MSI2: variants seen among roughly 807,000 people sequenced by gnomAD.
MSI2 encodes the protein RNA-binding protein Musashi homolog 2.
Under a neutral mutation model 45.6 loss-of-function variants are expected in MSI2, and 17 were observed. The ratio of observed to expected loss-of-function variants is 0.37; its 90% CI spans 0.26 to 0.56. The LOEUF (loss-of-function observed/expected upper bound fraction) is 0.56. Ranked by LOEUF, MSI2 falls within the 20% of genes least tolerant of loss-of-function variation. The pLI, the probability that MSI2 is intolerant of heterozygous loss-of-function variation, is 0.77. For synonymous variants in MSI2, 156 were observed against 158.2 expected, an observed-to-expected ratio of 0.99 and a Z score of 0.11; for missense variants, 293 against 444.2, an observed-to-expected ratio of 0.66 and a Z score of 3.06.
the MSI2 span, among the ~76,000 whole-genome samples, chr17:57,695,386 G>A: frequency 6.6e-6 from 1 of 152,172 alleles, no homozygotes; most frequent in South Asian, 2.1e-4. Context: ...GCTGAGAGGT[G>A]TAATGGCACT....
At chr17:57,389,299 C>T (rs2083744207) in intron 5 of MSI2, among the ~76,000 whole-genome samples, 1 of 152,188 alleles carries the variant, frequency 6.6e-6, no homozygotes, top group African/African-American at 2.4e-5. Flanking sequence ...TTTTTAATAG[C>T]TGGATTGAAA....
intron 5 of MSI2, chr17:57,279,503 A>G (rs1598062781): frequency 6.6e-6 from 1 of 152,266 alleles, no homozygotes; most frequent in Non-Finnish European, 1.5e-5. Flanking sequence ...TCATTATGCA[A>G]CAAATGTCTG....
chr17:57,510,584 C>T lies in MSI2; in HGVS notation c.406-19092C>T, dbSNP rs564302190. Among the ~76,000 whole-genome samples the T allele has an allele frequency of 2.4e-4, 36 of 152,014 alleles. 2 individuals are homozygous for T. Among genetic ancestry groups the T allele is most frequent in the African/African-American group, 8.0e-4 (33 of 41,346 alleles). ...CTGGGATTACAGGTGTGTGCCACCA[C>T]GCCCGGCTAATTTCTGTATTATTAG... is the stretch of plus-strand genomic sequence containing the variant. On this transcript the variant is annotated intron_variant, in intron 6 of 13. Transcript: ENST00000284073.
At chr17:57,386,986 A>G (rs1441234721) in intron 5 of MSI2, among the ~76,000 whole-genome samples, 2 of 152,212 alleles carry the variant, frequency 1.3e-5, no homozygotes, top group African/African-American at 4.8e-5. Context: ...AGTGCCCTTC[A>G]GAGAGAGCCA....
intron 6 of MSI2, among the ~76,000 whole-genome samples, chr17:57,418,743 T>C (rs2143270324): frequency 6.6e-6 from 1 of 152,326 alleles, no homozygotes; most frequent in East Asian, 1.9e-4. Context: ...GACGGGTCCT[T>C]GACTCTGCTC....
At chr17:57,543,131 G>A (rs942666980) in intron 7 of MSI2, among the ~76,000 whole-genome samples, 2 of 152,220 alleles carry the variant, frequency 1.3e-5, no homozygotes, top group Non-Finnish European at 2.9e-5. Flanking sequence ...AGGTGCAGGA[G>A]CCCTGTCTGG....
At chr17:57,426,603 A>G (rs2084496847) in intron 6 of MSI2, among the ~76,000 whole-genome samples, 1 of 152,126 alleles carries the variant, frequency 6.6e-6, no homozygotes, top group Non-Finnish European at 1.5e-5. Context: ...TTCATTCAGT[A>G]GTAAATGGTT....
chr17:57,355,751 A>G (rs1367154334), intron 5 of MSI2, among the ~76,000 whole-genome samples: 2 of 152,212 alleles, frequency 1.3e-5, no homozygotes, highest in Admixed American at 6.5e-5. Context: ...TCACCTTTTA[A>G]TAACTTGCTC....
intron 5 of MSI2, among the ~76,000 whole-genome samples, chr17:57,323,482 C>T (rs1354954302): frequency 6.6e-6 from 1 of 152,248 alleles, no homozygotes; most frequent in African/African-American, 2.4e-5. Flanking sequence ...CCAGGTTCCC[C>T]ATTCCAGTGG....
chr17:57,500,281 A>G, intron 6 of MSI2, among the ~76,000 whole-genome samples: 1 of 152,120 alleles, frequency 6.6e-6, no homozygotes, highest in South Asian at 2.1e-4. Flanking sequence ...GGGATGTGAG[A>G]AAAGGGGAAA....
chr17:57,500,693 C>A (rs1345540447), intron 6 of MSI2, among the ~76,000 whole-genome samples: 1 of 151,130 alleles, frequency 6.6e-6, no homozygotes, highest in Non-Finnish European at 1.5e-5. Flanking sequence ...AGAAGACTAG[C>A]CAGGTGTGGT....
chr17:57,559,766 A>ATTTT (rs2087527959), intron 7 of MSI2, among the ~76,000 whole-genome samples: 1 of 152,262 alleles, frequency 6.6e-6, no homozygotes, highest in Non-Finnish European at 1.5e-5. Flanking sequence ...GCTCAGAGAC[A>ATTTT]GCCAGTGTCT....
intron 8 of MSI2, among the ~76,000 whole-genome samples, chr17:57,602,912 T>C (rs116962541): frequency 1.3e-5 from 2 of 152,242 alleles, no homozygotes; most frequent in East Asian, 1.9e-4. Flanking sequence ...TCCCCAGTGA[T>C]TGGCGTGCAC....
In MSI2 at chr17:57,401,475, AG is replaced by A. The variant is rs1219071495; in HGVS notation, c.405+5del. On this transcript the variant is annotated splice_donor_5th_base_variant and intron_variant, in intron 6 of 13. Transcript: ENST00000284073. ...ATATTTCGAGCAGTTTGGCAAGGTAAGCGCTGGATGGGGTTGGATGGCACAT... is the reference window on the plus strand; with the variant it reads ...ATATTTCGAGCAGTTTGGCAAGGTAACGCTGGATGGGGTTGGATGGCACAT... The A allele has an allele frequency of 6.2e-7, 1 of 1,613,180 alleles. No individual in the cohort carries two copies. Among genetic ancestry groups the A allele is most frequent in the Admixed American group, 1.7e-5 (1 of 60,008 alleles).
At chr17:57,295,922 A>G (rs1910885283) in intron 5 of MSI2, among the ~76,000 whole-genome samples, 1 of 148,730 alleles carries the variant, frequency 6.7e-6, no homozygotes, top group Admixed American at 6.7e-5. Context: ...TGGTCTTTCT[A>G]AAAGAATCTC....
At chr17:57,257,164 G>C (rs1375065685) in intron 2 of MSI2, 26 bp downstream of exon 2, 3 of 1,495,160 alleles carry the variant, frequency 2.0e-6, no homozygotes, top group Non-Finnish European at 2.7e-6. Flanking sequence ...GGGGACGCCT[G>C]GGTCCCCCCC....
intron 6 of MSI2, among the ~76,000 whole-genome samples, chr17:57,520,185 A>G (rs1040498270): frequency 2.0e-5 from 3 of 152,216 alleles, no homozygotes; most frequent in Admixed American, 6.5e-5. Flanking sequence ...TATTATAACA[A>G]TCATTATTTC....
At chr17:57,339,244 C>T (rs116227959) in intron 5 of MSI2, among the ~76,000 whole-genome samples, 2,280 of 152,272 alleles carry the variant, frequency 0.015, 63 homozygotes, top group African/African-American at 0.052. Context: ...GGTGGCTTCG[C>T]GTTTGGGCAG....
chr17:57,345,518 T>C (rs531278626), intron 5 of MSI2, among the ~76,000 whole-genome samples: 7 of 152,318 alleles, frequency 4.6e-5, no homozygotes, highest in African/African-American at 1.7e-4. Flanking sequence ...CTTTAAAGCA[T>C]CTTATTATTT....
Sources: gnomAD v4.1 joint callset for allele counts (sites outside exome capture counted in the v4.1 genomes callset) on GRCh38, gnomAD v4.1.1 for gene constraint, MANE v1.5 for transcripts, NCBI Gene and HGNC (gene_info 2026-07-23, HGNC 2026-07-21) for gene names.